The following RIMBP2 variants were observed in gnomAD, a reference collection of about 807,000 sequenced individuals.
RIMBP2 encodes RIMS binding protein 2, also known as RIMS-binding protein 2.
Under a neutral mutation model 118.6 loss-of-function variants are expected in RIMBP2, and 48 were observed. That is an observed-to-expected ratio of 0.40 (90% CI 0.32 to 0.51). RIMBP2 has a LOEUF of 0.51. Among genes scored for constraint, RIMBP2 ranks in the 20% least tolerant of loss-of-function variants. RIMBP2 has a pLI of 0.41. For missense variants in RIMBP2, 1,551 were observed against 1,768.3 expected (o/e 0.88, Z 2.20); for synonymous variants, 762 against 742.9 (o/e 1.03, Z -0.42).
intron 11 of RIMBP2, among the ~76,000 whole-genome samples, chr12:130,439,028 G>A (rs774816056): frequency 2.8e-5 from 4 of 142,864 alleles, no homozygotes; most frequent in East Asian, 2.1e-4. Context: ...CCCTCTGCCC[G>A]GACCGCATAT....
At chr12:130,580,570 A>G (rs1251574285) in intron 2 of RIMBP2, among the ~76,000 whole-genome samples, 3 of 152,252 alleles carry the variant, frequency 2.0e-5, no homozygotes, top group Non-Finnish European at 4.4e-5. Flanking sequence ...GCGTGAGAAC[A>G]GACTAATACA....
At chr12:130,524,682 A>G (rs984660674) in intron 2 of RIMBP2, among the ~76,000 whole-genome samples, 2 of 152,202 alleles carry the variant, frequency 1.3e-5, no homozygotes, top group Non-Finnish European at 2.9e-5. Flanking sequence ...CCTGGGTGTT[A>G]AGGGGATTGA....
intron 4 of RIMBP2, among the ~76,000 whole-genome samples, chr12:130,493,407 T>C (rs550592403): frequency 6.6e-6 from 1 of 152,148 alleles, no homozygotes; most frequent in African/African-American, 2.4e-5. Context: ...CTCCACCTCC[T>C]GAGTTCAAGC....
intron 2 of RIMBP2, among the ~76,000 whole-genome samples, chr12:130,571,388 C>T (rs958192959): frequency 2.7e-5 from 4 of 150,218 alleles, no homozygotes; most frequent in Admixed American, 2.6e-4. Flanking sequence ...ACTCAGCTGC[C>T]GTGTGTGCTA....
At chr12:130,401,528 C>T (rs1345592534) in intron 21 of RIMBP2, among the ~76,000 whole-genome samples, 2 of 151,842 alleles carry the variant, frequency 1.3e-5, no homozygotes, top group African/African-American at 4.8e-5. Context: ...CACTCACTGC[C>T]CTGCCCCGCC....
intron 4 of RIMBP2, among the ~76,000 whole-genome samples, chr12:130,504,900 TC>T (rs1385075167): frequency 1.3e-5 from 2 of 152,220 alleles, no homozygotes; most frequent in Non-Finnish European, 2.9e-5. Flanking sequence ...TTGCCAAATA[TC>T]CCCTGGAGGG....
At chr12:130,646,919 T>A (rs1356384497) in intron 1 of RIMBP2, among the ~76,000 whole-genome samples, 1 of 152,220 alleles carries the variant, frequency 6.6e-6, no homozygotes, top group Non-Finnish European at 1.5e-5. Context: ...CATTGGTGTT[T>A]GCCAGCTGCA....
rs1023040754 is a variant in RIMBP2, at chr12:130,710,266, G to A, written c.-352+5956C>T. On this transcript the variant is annotated intron_variant, in intron 1 of 22. Transcript: ENST00000690449. This position sits in a 1 kb window ranked among gnomAD's most constrained non-coding sequence, Gnocchi z 4.3. ...ACCTCTGGCTCCTTCTCAGGGTCCT[G>A]TCTCAGCTTCAACGCCACCTCCTCC... 4.6e-5 allele frequency among the ~76,000 whole-genome samples: 7 copies of A among 152,206 alleles called. No individual in the cohort carries two copies. The highest frequency in any genetic ancestry group is 1.3e-4 in the Admixed American group (2 of 15,294).
In RIMBP2 at chr12:130,576,387, T is replaced by A. The variant is rs1234229536; in HGVS notation, c.-217+51935A>T. The stretch of plus-strand genomic sequence containing the variant: ...GCTGTGCTTCTAGATCCTCAGCAGG[T>A]TGGCGCATGACCCTCAGAGCCCTAA... On this transcript the variant is annotated intron_variant, in intron 2 of 22. Transcript: ENST00000690449. This position sits in a 1 kb window ranked among gnomAD's most constrained non-coding sequence, Gnocchi z 4.2. Among the ~76,000 whole-genome samples, 1 of 152,058 alleles carries A rather than the reference T, an allele frequency of 6.6e-6. No individual in the cohort carries two copies. The highest frequency in any genetic ancestry group is 1.9e-4 in the East Asian group (1 of 5,170).
chr12:130,575,103 C>T (rs1412495552), intron 2 of RIMBP2, among the ~76,000 whole-genome samples: 1 of 43,402 alleles, frequency 2.3e-5, no homozygotes, highest in African/African-American at 1.1e-4. Context: ...GTGCCAAGTC[C>T]TCCAGAATCA....
Position 130,406,058 on chromosome 12 carries a change from C to T in RIMBP2, c.3765+114G>A, listed in dbSNP as rs536059893. 625 of 681,720 alleles carry T rather than the reference C, an allele frequency of 9.2e-4. 8 individuals carry two copies. The highest frequency in any genetic ancestry group is 6.2e-3 in the South Asian group (346 of 56,188). 42.2% of individuals were successfully genotyped at this position (681,720 alleles called of 1,614,324 possible). ...CCAATTAAGCAAAGCTATCAGCAGGCGTATGACGTTCATGCCCAATTTTAA... is the reference window on the plus strand; with the variant it reads ...CCAATTAAGCAAAGCTATCAGCAGGTGTATGACGTTCATGCCCAATTTTAA... On this transcript the variant is annotated intron_variant, in intron 21 of 22. Coordinates refer to ENST00000690449, the MANE Select transcript of RIMBP2 (RefSeq NM_001393629.1).
chr12:130,505,083 T>C (rs913937112), intron 4 of RIMBP2, among the ~76,000 whole-genome samples: 1 of 152,152 alleles, frequency 6.6e-6, no homozygotes, highest in Admixed American at 6.5e-5. Context: ...GTGTGTGCCC[T>C]CAGAAAACTC....
At chr12:130,646,124 TGCCTCTCCACCTCCC>T (rs2062898372) in intron 1 of RIMBP2, among the ~76,000 whole-genome samples, 1 of 110,996 alleles carries the variant, frequency 9.0e-6, no homozygotes, top group African/African-American at 3.3e-5. Context: ...CCTCACCACC[TGCCTCTCCACCTCCC>T]TCACCACCTG....
chr12:130,543,605 G>T (rs1010682425), intron 2 of RIMBP2, among the ~76,000 whole-genome samples: 1 of 152,068 alleles, frequency 6.6e-6, no homozygotes, highest in Non-Finnish European at 1.5e-5. Context: ...GCCTCACGAG[G>T]AATTGGCCGT....
chr12:130,545,473 A>C (rs1213827647), intron 2 of RIMBP2, among the ~76,000 whole-genome samples: 1 of 152,248 alleles, frequency 6.6e-6, no homozygotes, highest in Non-Finnish European at 1.5e-5. Flanking sequence ...TTGAAGTAAT[A>C]TTTAAGGTTT....
rs1210053592 is a variant in RIMBP2, at chr12:130,578,666, G to A, written c.-217+49656C>T. Among the ~76,000 whole-genome samples, 1 of 152,130 alleles carries A rather than the reference G, an allele frequency of 6.6e-6. No individual in the cohort carries two copies. Among genetic ancestry groups the A allele is most frequent in the African/African-American group, 2.4e-5 (1 of 41,424 alleles). ...TTGACATTCAGCTCTCAGCGCAAAT[G>A]CCCCCTTCTCAGAGACTTCCCCTCG... On this transcript the variant is annotated intron_variant, in intron 2 of 22. Transcript: ENST00000690449. This position sits in a 1 kb window ranked among gnomAD's most constrained non-coding sequence, Gnocchi z 4.1.
chr12:130,442,874 T>C lies in RIMBP2; in HGVS notation c.692-214A>G, dbSNP rs1787693630. On this transcript the variant is annotated intron_variant, in intron 10 of 22. Coordinates refer to ENST00000690449, the MANE Select transcript of RIMBP2 (RefSeq NM_001393629.1). This position sits in a 1 kb window ranked among gnomAD's most constrained non-coding sequence, Gnocchi z 6.9. ...CCATCCCCGTGGCCCAGTCTTCTTT[T>C]CTCCATGATACTTATCGCAACCTGA... 6.6e-6 allele frequency among the ~76,000 whole-genome samples: 1 copy of C among 152,134 alleles called. No homozygotes were observed. Among genetic ancestry groups the C allele is most frequent in the African/African-American group, 2.4e-5 (1 of 41,408 alleles).
At chr12:130,440,828 G>A (rs913324747) in intron 11 of RIMBP2, among the ~76,000 whole-genome samples, 6 of 152,194 alleles carry the variant, frequency 3.9e-5, no homozygotes, top group African/African-American at 1.4e-4. Context: ...TGCTCTGTCA[G>A]GCTCTAGCTG....
intron 21 of RIMBP2, among the ~76,000 whole-genome samples, chr12:130,402,171 G>A (rs958148917): frequency 2.6e-5 from 4 of 152,152 alleles, no homozygotes; most frequent in Non-Finnish European, 5.9e-5. Context: ...AAGTGACGAC[G>A]GGACTTGCTC....
Sources: gnomAD v4.1 joint callset for allele counts (sites outside exome capture counted in the v4.1 genomes callset) on GRCh38, gnomAD v4.1.1 for gene constraint, Gnocchi (gnomAD v3.1) non-coding constraint, MANE v1.5 for transcripts, NCBI Gene and HGNC (gene_info 2026-07-23, HGNC 2026-07-21) for gene names.